Variants in LRRC2 observed in about 807,000 individuals in gnomAD.
LRRC2 encodes leucine rich repeat containing 2, also known as leucine-rich repeat-containing protein 2.
A neutral mutation model predicts 40.2 loss-of-function variants in LRRC2; 27 were observed. The observed-to-expected ratio is 0.67, with a 90% CI of 0.49 to 0.93. LRRC2 has a LOEUF of 0.93. Ranked by LOEUF, LRRC2 falls within the 40% of genes least tolerant of loss-of-function variation. The probability of loss-of-function intolerance (pLI) is 0.00; values close to 1 mark genes in which losing one functional copy is unlikely to be tolerated. For missense variants in LRRC2, 402 were observed against 439.6 expected, an observed-to-expected ratio of 0.91 and a Z score of 0.76; for synonymous variants, 147 against 158.9, an observed-to-expected ratio of 0.92 and a Z score of 0.56.
At position 46,556,376 on chromosome 3, in the gene LRRC2, C is replaced by T. The variant is rs143092445; in HGVS notation, c.-19-4766G>A. 2.5e-4 allele frequency among the ~76,000 whole-genome samples: 38 copies of T among 152,206 alleles called. 1 individual carries two copies. In the East Asian group the frequency reaches 7.1e-3, roughly 29 times the overall value. ...TCCTGGGCACAAGTGATTCTCCCAC[C>T]TCAACCTCCCAAAATGCTGGGATGA... On this transcript the variant is annotated intron_variant, in intron 1 of 8. Transcript: ENST00000395905.
In LRRC2 at chr3:46,516,420, G is replaced by C. The variant is rs974096319; in HGVS notation, c.*2594C>G. The C allele has an allele frequency of 1.3e-5, 2 of 151,992 alleles. No homozygotes were observed. Among genetic ancestry groups the C allele is most frequent in the African/African-American group, 4.8e-5 (2 of 41,364 alleles). The allele number at this position is 151,992 out of a possible 1,614,324, so 9.4% of individuals were successfully genotyped here. ...GCCCACCAAGACAAAATATTGGGATGTCAATAATAACCTTTTTAAAAATGG... is the reference window on the plus strand; with the variant it reads ...GCCCACCAAGACAAAATATTGGGATCTCAATAATAACCTTTTTAAAAATGG... On this transcript the variant is annotated 3_prime_UTR_variant, in exon 9 of 9. Transcript: ENST00000395905.
chr3:46,549,244 G>A (rs1704592025), intron 2 of LRRC2, among the ~76,000 whole-genome samples: 1 of 152,176 alleles, frequency 6.6e-6, no homozygotes, highest in Admixed American at 6.5e-5. Context: ...TAATCAGGCA[G>A]GCATTAATTT....
chr3:46,554,512 G>T (rs1255905905), intron 1 of LRRC2, among the ~76,000 whole-genome samples: 1 of 151,988 alleles, frequency 6.6e-6, no homozygotes, highest in African/African-American at 2.4e-5. Flanking sequence ...GGGCATGGTG[G>T]TGCACACCTG....
intron 1 of LRRC2, among the ~76,000 whole-genome samples, chr3:46,555,979 CTTTTT>C (rs1195438339): frequency 6.6e-6 from 1 of 152,256 alleles, no homozygotes; most frequent in South Asian, 2.1e-4. Context: ...GCAATCTTTT[CTTTTT>C]TATTAATCAG....
intron 2 of LRRC2, 104 bp downstream of exon 2, chr3:46,551,363 G>A: frequency 7.1e-7 from 1 of 1,416,092 alleles, no homozygotes; most frequent in Non-Finnish European, 9.6e-7. Context: ...TACCAACAGT[G>A]AGAAATCCCA....
rs1276984374 is a variant in LRRC2, at chr3:46,551,396, A to G, written c.125+71T>C. ...CCAGAAGAAAAGCATCCTCCTCCACAACGCAACTGTTGCCTGTCCAAATCC... is the reference window on the plus strand; with the variant it reads ...CCAGAAGAAAAGCATCCTCCTCCACGACGCAACTGTTGCCTGTCCAAATCC... On this transcript the variant is annotated intron_variant, in intron 2 of 8. Transcript: ENST00000395905. 1.6e-5 allele frequency: 25 copies of G among 1,547,114 alleles called. No individual in the cohort carries two copies. In the Middle Eastern group the frequency reaches 6.8e-4, roughly 42 times the overall value.
chr3:46,545,085 G>T lies in LRRC2; in HGVS notation c.294C>A (p.Ser98Arg), dbSNP rs761987991. 6.2e-7 allele frequency: 1 copy of T among 1,613,446 alleles called. No homozygotes were observed. The highest frequency in any genetic ancestry group is 1.3e-5 in the African/African-American group (1 of 74,892). ...CAGAAAGTTCAAACACAAACGCACTGCTCCGTTTGCCTCTGTCCTTGGGAA... is the reference window on the plus strand; with the variant it reads ...CAGAAAGTTCAAACACAAACGCACTTCTCCGTTTGCCTCTGTCCTTGGGAA... ...SSLPKDRGKR[S>R]SAFVFELSGE... Residue 98 changes from serine to arginine, a missense_variant, in exon 3 of 9, where the codon AGC becomes AGA. Transcript: ENST00000395905.
chr3:46,546,596 A>G (rs1004197673), intron 2 of LRRC2, among the ~76,000 whole-genome samples: 2 of 152,134 alleles, frequency 1.3e-5, no homozygotes, highest in African/African-American at 4.8e-5. Flanking sequence ...CTCTGTAGAG[A>G]GTAAAGTTAA....
At chr3:46,526,499 C>A (rs569001818) in intron 7 of LRRC2, among the ~76,000 whole-genome samples, 1 of 152,314 alleles carries the variant, frequency 6.6e-6, no homozygotes, top group East Asian at 1.9e-4. Flanking sequence ...AGTGGAAGAC[C>A]TATTCTAGTG....
At chr3:46,565,574 C>A (rs1264958447) in intron 1 of LRRC2, among the ~76,000 whole-genome samples, 3 of 152,136 alleles carry the variant, frequency 2.0e-5, no homozygotes, top group Admixed American at 6.5e-5. Context: ...TGGGTGAACC[C>A]CCCAGTCCCT....
chr3:46,533,030 T>G (rs1704188937), intron 4 of LRRC2, 121 bp from the exon 5 acceptor site: 8 of 1,078,862 alleles, frequency 7.4e-6, no homozygotes, highest in Non-Finnish European at 1.1e-5. Context: ...TAAACATAAT[T>G]TAGTATTTGG....
At position 46,557,585 on chromosome 3, in the gene LRRC2, T is replaced by C. The variant is rs1482320974; in HGVS notation, c.-19-5975A>G. On this transcript the variant is annotated intron_variant, in intron 1 of 8. Coordinates refer to ENST00000395905, the MANE Select transcript of LRRC2 (RefSeq NM_024512.5). Reference sequence around the variant, plus strand: ...CCTATCCAGTATTTTATTTCAATTATTGTCTTTTTATTTCTAAAATTTCCA... The same window carrying C: ...CCTATCCAGTATTTTATTTCAATTACTGTCTTTTTATTTCTAAAATTTCCA... 3 of 152,264 alleles carry C rather than the reference T, an allele frequency of 2.0e-5. 1 individual carries two copies. The highest frequency in any genetic ancestry group is 4.4e-5 in the Non-Finnish European group (3 of 68,048). 9.4% of individuals were successfully genotyped at this position (152,264 alleles called of 1,614,324 possible). A position where few individuals can be genotyped will look rare whatever the true frequency, so the allele number is the denominator to read the frequency against.
Sources: allele counts gnomAD v4.1 joint callset (sites outside exome capture counted in the v4.1 genomes callset), GRCh38; gene constraint gnomAD v4.1.1; transcripts MANE v1.5; gene names NCBI Gene and HGNC (gene_info 2026-07-23, HGNC 2026-07-21).